The following RFPL3 variants were observed in gnomAD, a reference collection of about 807,000 sequenced individuals.
RFPL3 encodes ret finger protein-like 3.
In RFPL3, 8 loss-of-function variants were observed where a neutral mutation model predicts 8.7. The observed-to-expected ratio is 0.92, with a 90% confidence interval of 0.54 to 1.66. RFPL3 has a LOEUF of 1.66. Among genes scored for constraint, RFPL3 ranks in the 40% most tolerant of loss-of-function variants. RFPL3 has a pLI of 0.00. For missense variants in RFPL3, 341 were observed against 395.0 expected (o/e 0.86, Z 1.16); for synonymous variants, 145 against 150.5 (o/e 0.96, Z 0.27).
Position 32,358,462 on chromosome 22 carries a change from C to T in RFPL3, c.373+18C>T, listed in dbSNP as rs1601406508. On this transcript the variant is annotated intron_variant, in intron 1 of 1. Coordinates refer to ENST00000249007, the MANE Select transcript of RFPL3 (RefSeq NM_001098535.1). Reference sequence around the variant, plus strand: ...GTTCCAAGGTAAGGAATCTGTATACCCTGCCCCCTTCCCAAGACCAGACCA... The same window carrying T: ...GTTCCAAGGTAAGGAATCTGTATACTCTGCCCCCTTCCCAAGACCAGACCA... 2.5e-6 allele frequency: 4 copies of T among 1,599,308 alleles called. No individual in the cohort carries two copies. Among genetic ancestry groups the T allele is most frequent in the South Asian group, 2.3e-5 (2 of 88,414 alleles).
chr22:32,360,808 A>T lies in RFPL3; in HGVS notation c.930A>T (p.Pro310=). The change falls in exon 2 of 2, where the codon CCA becomes CCT. Residue 310 remains proline (P), a synonymous_variant. Coordinates refer to ENST00000249007, the MANE Select transcript of RFPL3 (RefSeq NM_001098535.1). ...TGAACTCAGGCACTACTGATGCTCC[A>T]GTCCGTCCTGGGGAGGCCAAATAAG... The part of the protein sequence containing the change: ...PLMNSGTTDA[P]VRPGEAK The T allele has an allele frequency of 6.4e-7, 1 of 1,565,890 alleles. No individual in the cohort carries two copies. Among genetic ancestry groups the T allele is most frequent in the Non-Finnish European group, 8.7e-7 (1 of 1,155,674 alleles).
chr22:32,360,499 C>G lies in RFPL3; in HGVS notation c.621C>G (p.Ile207Met). 6.2e-7 allele frequency: 1 copy of G among 1,613,900 alleles called. No homozygotes were observed. The change falls in exon 2 of 2, where the codon ATC (isoleucine) becomes ATG (methionine). Residue 207 changes from isoleucine (I) to methionine (M), a missense_variant. Coordinates refer to ENST00000249007, the MANE Select transcript of RFPL3 (RefSeq NM_001098535.1). ...CRESVHCKGK[I>M]QLTTELGFWT... ...AATCTGTTCACTGCAAAGGGAAGATCCAGCTGACCACAGAGCTTGGATTCT... is the reference window on the plus strand; with the variant it reads ...AATCTGTTCACTGCAAAGGGAAGATGCAGCTGACCACAGAGCTTGGATTCT...
upstream of RFPL3, among the ~76,000 whole-genome samples, chr22:32,355,781 C>CAAAAA (rs5844988): frequency 3.7e-4 from 37 of 99,856 alleles, no homozygotes; most frequent in Non-Finnish European, 5.4e-4. Context: ...GACTTTGTCT[C>CAAAAA]AAAAAAAAAA....
In RFPL3 at chr22:32,360,749, G is replaced by A. The variant is rs770744977; in HGVS notation, c.871G>A (p.Gly291Ser). The change falls in exon 2 of 2, where the codon GGT becomes AGT. Residue 291 changes from glycine (G) to serine (S), a missense_variant. Gly to Ser is a moderately conservative substitution (Grantham distance 56, BLOSUM62 0). Transcript: ENST00000249007. ...PFLAPSIPPN[G>S]DQGVLSICPL... ...TTTGGCTCCTTCAATTCCACCTAAT[G>A]GTGATCAAGGTGTCTTGAGCATCTG... 14 of 1,613,402 alleles carry A rather than the reference G, an allele frequency of 8.7e-6. No homozygotes were observed. Among genetic ancestry groups the A allele is most frequent in the South Asian group, 3.3e-5 (3 of 90,956 alleles).
At chr22:32,359,723 G>A (rs554773791) in intron 1 of RFPL3, among the ~76,000 whole-genome samples, 40 of 152,256 alleles carry the variant, frequency 2.6e-4, no homozygotes, top group African/African-American at 8.9e-4. Flanking sequence ...GCCTCCTAAT[G>A]TCCAGGACCA....
At chr22:32,356,253 G>A (rs373680586), upstream of RFPL3, among the ~76,000 whole-genome samples, 74 of 152,154 alleles carry the variant, frequency 4.9e-4, no homozygotes, top group Non-Finnish European at 6.2e-4. Flanking sequence ...CAGAGGGTGC[G>A]TCTTAAGGCT....
chr22:32,357,211 T>C (rs1201696462), upstream of RFPL3, among the ~76,000 whole-genome samples: 2 of 152,168 alleles, frequency 1.3e-5, no homozygotes, highest in Non-Finnish European at 2.9e-5. Context: ...TGGCAGTTAA[T>C]TTGGTATTCA....
upstream of RFPL3, chr22:32,357,822 G>A (rs1245055550): frequency 2.2e-6 from 3 of 1,371,552 alleles, no homozygotes; most frequent in Non-Finnish European, 2.8e-6. Flanking sequence ...GTTCCCCTAG[G>A]AGGTGGTGAA....
chr22:32,356,039 G>C (rs1005657921), upstream of RFPL3, among the ~76,000 whole-genome samples: 6 of 152,038 alleles, frequency 3.9e-5, no homozygotes, highest in Middle Eastern at 3.2e-3. Flanking sequence ...GTAAGGTGAA[G>C]AATTGAGGCG....
At chr22:32,356,877 A>G (rs1212121300), upstream of RFPL3, 17 of 457,172 alleles carry the variant, frequency 3.7e-5, 1 homozygote, top group South Asian at 2.7e-4. Context: ...GGCCACCGTC[A>G]CAGCTCCCGG....
At chr22:32,355,175 TTTG>T (rs1932623577), upstream of RFPL3, among the ~76,000 whole-genome samples, 3 of 152,288 alleles carry the variant, frequency 2.0e-5, no homozygotes, top group Admixed American at 2.0e-4. Context: ...CTGATTGGAC[TTTG>T]TTATCATGTT....
rs9619258 is a variant in RFPL3 at position 32,360,254 on chromosome 22, G to A, written c.376G>A (p.Asp126Asn). 4.7e-3 allele frequency: 7,533 copies of A among 1,612,406 alleles called. 185 individuals carry two copies. In the African/African-American group the frequency reaches 0.068, roughly 15 times the overall value. Reference sequence around the variant, plus strand: ...GCAACTTGTTTTCCTTTTCACAGTGGATATGACCTTGGATGCCGACACAGC... The same window carrying A: ...GCAACTTGTTTTCCTTTTCACAGTGAATATGACCTTGGATGCCGACACAGC... ...MNPRMRKFQV[D>N]MTLDADTANN... The change falls in exon 2 of 2, where the codon GAT (aspartate) becomes AAT (asparagine). Residue 126 changes from aspartate (D) to asparagine (N), a missense_variant and splice_region_variant. Physicochemically the swap from Asp to Asn is conservative, Grantham distance 23 (BLOSUM62 1). Coordinates refer to ENST00000249007, the MANE Select transcript of RFPL3 (RefSeq NM_001098535.1).
At chr22:32,359,075 G>A (rs949938853) in intron 1 of RFPL3, among the ~76,000 whole-genome samples, 2 of 152,186 alleles carry the variant, frequency 1.3e-5, no homozygotes, top group African/African-American at 4.8e-5. Context: ...ACATTTAAAT[G>A]AAAAGGTTAT....
chr22:32,360,351 A>G lies in RFPL3; in HGVS notation c.473A>G (p.Asp158Gly), dbSNP rs766443199. 4.3e-6 allele frequency: 7 copies of G among 1,613,752 alleles called. No individual in the cohort carries two copies. The Admixed American group carries it at 1.0e-4, about 23-fold the overall frequency. The stretch of plus-strand genomic sequence containing the variant: ...GGGCTCATCACACAGAATCGGCAAG[A>G]CCTTGCCGAGAGATTTGACGTGTCC... ...RSGLITQNRQ[D>G]LAERFDVSVC... The change falls in exon 2 of 2, where the codon GAC becomes GGC. Residue 158 changes from aspartate to glycine, a missense_variant. Coordinates refer to ENST00000249007, the MANE Select transcript of RFPL3 (RefSeq NM_001098535.1).
At chr22:32,359,822 C>T (rs1441899763) in intron 1 of RFPL3, 1 of 167,950 alleles carries the variant, frequency 6.0e-6, no homozygotes, top group Non-Finnish European at 1.3e-5. Context: ...ACATGGAAAA[C>T]AAAAGCCTGG....
chr22:32,357,756 C>G (rs943841380), upstream of RFPL3: 2 of 832,028 alleles, frequency 2.4e-6, no homozygotes, highest in Non-Finnish European at 3.2e-6. Flanking sequence ...CATGAGCCAT[C>G]GTGCCCAGCC....
At chr22:32,356,711 T>C (rs397844017), upstream of RFPL3, 49 of 358,178 alleles carry the variant, frequency 1.4e-4, no homozygotes, top group East Asian at 6.0e-4. Context: ...TTCTCCACAG[T>C]GCTCTCTTGT....
Position 32,361,087 on chromosome 22 carries a change from ACTTTTT to A in RFPL3, c.*257_*262del. ...TCTCGGATCAATTTCCAAATGCTTT[ACTTTTT>A]CATTTCTGTAAGTTCAAATCAATGT... On this transcript the variant is annotated 3_prime_UTR_variant, in exon 2 of 2. Coordinates refer to ENST00000249007, the MANE Select transcript of RFPL3 (RefSeq NM_001098535.1). 1 of 357,742 alleles carries A rather than the reference ACTTTTT, an allele frequency of 2.8e-6. No individual in the cohort carries two copies. Among genetic ancestry groups the A allele is most frequent in the Non-Finnish European group, 4.9e-6 (1 of 202,226 alleles). The allele number at this position is 357,742 out of a possible 1,614,324, so 22.2% of individuals were successfully genotyped here. A position where few individuals can be genotyped will look rare whatever the true frequency, so the allele number is the denominator to read the frequency against.
Position 32,358,432 on chromosome 22 carries a change from C to A in RFPL3, c.361C>A (p.Arg121=), listed in dbSNP as rs139344772. 1.2e-6 allele frequency: 2 copies of A among 1,613,138 alleles called. No individual in the cohort carries two copies. Among genetic ancestry groups the A allele is most frequent in the East Asian group, 2.2e-5 (1 of 44,864 alleles). Residue 121 remains arginine (R), a synonymous_variant, in exon 1 of 2, where the codon CGG becomes AGG. Coordinates refer to ENST00000249007, the MANE Select transcript of RFPL3 (RefSeq NM_001098535.1). Reference sequence around the variant, plus strand: ...GATTCTACAGATGAACCCAAGGATGCGGAAGTTCCAAGGTAAGGAATCTGT... The same window carrying A: ...GATTCTACAGATGAACCCAAGGATGAGGAAGTTCCAAGGTAAGGAATCTGT... ...KKILQMNPRM[R]KFQVDMTLDA... is the part of the protein sequence containing the mutation.
Sources: allele counts gnomAD v4.1 joint callset (sites outside exome capture counted in the v4.1 genomes callset), GRCh38; gene constraint gnomAD v4.1.1; transcripts MANE v1.5; gene names NCBI Gene and HGNC (gene_info 2026-07-23, HGNC 2026-07-21).